Variants in SGPP2 observed in about 807,000 individuals in gnomAD.
SGPP2 encodes the protein sphingosine 1-phosphate phosphohydrolase 2.
A neutral mutation model predicts 33.9 loss-of-function variants in SGPP2; 30 were observed. The observed-to-expected ratio is 0.89, with a 90% CI of 0.66 to 1.20. SGPP2 has a LOEUF of 1.20. Ranked by LOEUF, SGPP2 falls within the 50% of genes most tolerant of loss-of-function variation. The pLI is 0.00. For synonymous variants in SGPP2, 233 were observed against 225.0 expected (o/e 1.04, Z -0.32); for missense variants, 458 against 532.1 (o/e 0.86, Z 1.37).
At chr2:222,425,219 C>A (rs1281255698) in intron 1 of SGPP2, among the ~76,000 whole-genome samples, 1 of 150,832 alleles carries the variant, frequency 6.6e-6, no homozygotes, top group Non-Finnish European at 1.5e-5. Flanking sequence ...TCTTGCATTT[C>A]CGCCCATCCC....
At chr2:222,552,970 G>A (rs560142973) in intron 4 of SGPP2, among the ~76,000 whole-genome samples, 1 of 152,262 alleles carries the variant, frequency 6.6e-6, no homozygotes, top group South Asian at 2.1e-4. Flanking sequence ...GCATTCCAGT[G>A]TCCCAATTCC....
chr2:222,532,598 A>G (rs1698855269), intron 4 of SGPP2, among the ~76,000 whole-genome samples: 1 of 152,186 alleles, frequency 6.6e-6, no homozygotes, highest in East Asian at 1.9e-4. Flanking sequence ...AACATGGGCA[A>G]CACCCCAGCT....
At chr2:222,446,971 T>C (rs1697407890) in intron 1 of SGPP2, among the ~76,000 whole-genome samples, 1 of 152,212 alleles carries the variant, frequency 6.6e-6, no homozygotes, top group Admixed American at 6.5e-5. Context: ...CTGTTAATAG[T>C]TGCTTGAAAT....
chr2:222,425,585 T>C (rs1378109190), intron 1 of SGPP2, among the ~76,000 whole-genome samples: 1 of 152,178 alleles, frequency 6.6e-6, no homozygotes, highest in Non-Finnish European at 1.5e-5. Flanking sequence ...GCACAGGGAC[T>C]TTAGGCAGCA....
chr2:222,455,011 C>T (rs1697550260), intron 1 of SGPP2, among the ~76,000 whole-genome samples: 2 of 151,992 alleles, frequency 1.3e-5, no homozygotes, highest in South Asian at 4.2e-4. Flanking sequence ...AACAAGGTGC[C>T]CAGCGTCCTT....
intron 2 of SGPP2, among the ~76,000 whole-genome samples, chr2:222,508,226 T>A (rs1413362848): frequency 6.6e-6 from 1 of 152,290 alleles, no homozygotes; most frequent in African/African-American, 2.4e-5. Context: ...ATAATAGAGT[T>A]TGGGTTTTTA....
chr2:222,479,053 G>A (rs1278665674), intron 2 of SGPP2, among the ~76,000 whole-genome samples: 1 of 152,150 alleles, frequency 6.6e-6, no homozygotes, highest in African/African-American at 2.4e-5. Flanking sequence ...CAGCAATACT[G>A]AGAAATAGTT....
chr2:222,486,143 C>T (rs914539271), intron 2 of SGPP2, among the ~76,000 whole-genome samples: 3 of 152,054 alleles, frequency 2.0e-5, no homozygotes, highest in African/African-American at 4.8e-5. Context: ...ATGGGCTGCA[C>T]GGTGGCAGGG....
At chr2:222,542,822 T>C (rs1699017991) in intron 4 of SGPP2, among the ~76,000 whole-genome samples, 1 of 151,866 alleles carries the variant, frequency 6.6e-6, no homozygotes, top group South Asian at 2.1e-4. Context: ...TTCCTTTTTT[T>C]TTTTTTTCTT....
rs1381355486 is a variant in SGPP2, at chr2:222,514,832, TC to T, written c.379-6930del. On this transcript the variant is annotated intron_variant, in intron 2 of 4. Transcript: ENST00000321276. The stretch of plus-strand genomic sequence containing the variant: ...TGCAATCACTGCACTGACCAGAATG[TC>T]CCCCAGGAGAGCATCCATCCCTGCT... Among the ~76,000 whole-genome samples the T allele has an allele frequency of 2.6e-5, 4 of 152,206 alleles. No homozygotes were observed. In the East Asian group the frequency reaches 7.7e-4, roughly 29 times the overall value.
chr2:222,452,297 T>G, intron 1 of SGPP2: 1 of 571,390 alleles, frequency 1.8e-6, no homozygotes, highest in Non-Finnish European at 3.2e-6. Flanking sequence ...CCAGAACATG[T>G]GGTTTCCAAA....
At chr2:222,515,556 C>T (rs1350594874) in intron 2 of SGPP2, among the ~76,000 whole-genome samples, 4 of 151,732 alleles carry the variant, frequency 2.6e-5, no homozygotes, top group African/African-American at 7.3e-5. Context: ...CTCAAACTAC[C>T]GACCTCAGAT....
intron 2 of SGPP2, among the ~76,000 whole-genome samples, chr2:222,508,270 A>T (rs1055249155): frequency 6.6e-6 from 1 of 152,236 alleles, no homozygotes; most frequent in Non-Finnish European, 1.5e-5. Flanking sequence ...TATTATACAT[A>T]TGCCCTCAAT....
chr2:222,494,795 CT>C (rs781360555), intron 2 of SGPP2, among the ~76,000 whole-genome samples: 10 of 152,302 alleles, frequency 6.6e-5, no homozygotes, highest in East Asian at 1.9e-4. Flanking sequence ...CTGTACCTCT[CT>C]TTTTTCCCCC....
chr2:222,509,826 G>A (rs1698499017), intron 2 of SGPP2, among the ~76,000 whole-genome samples: 1 of 152,148 alleles, frequency 6.6e-6, no homozygotes. Context: ...TCACAGAGTT[G>A]TGTAACCATC....
At chr2:222,452,046 A>C (rs1212724058) in intron 1 of SGPP2, among the ~76,000 whole-genome samples, 1 of 151,398 alleles carries the variant, frequency 6.6e-6, no homozygotes, top group Non-Finnish European at 1.5e-5. Context: ...TTTTCACATC[A>C]ATTTGTACTT....
Position 222,550,223 on chromosome 2 carries a change from A to G in SGPP2, c.649-8124A>G, listed in dbSNP as rs896017364. Among the ~76,000 whole-genome samples, 9 of 152,182 alleles carry G rather than the reference A, an allele frequency of 5.9e-5. No homozygotes were observed. The highest frequency in any genetic ancestry group is 3.3e-4 in the Admixed American group (5 of 15,278). On this transcript the variant is annotated intron_variant, in intron 4 of 4. Transcript: ENST00000321276. This position sits in a 1 kb window ranked among gnomAD's most constrained non-coding sequence, Gnocchi z 4.5. ...GTTACTTGGATCATGGAGGAATGGTATATTGCTTATCATATAGATTCTTAG... is the reference window on the plus strand; with the variant it reads ...GTTACTTGGATCATGGAGGAATGGTGTATTGCTTATCATATAGATTCTTAG...
intron 1 of SGPP2, among the ~76,000 whole-genome samples, chr2:222,463,931 A>G (rs897870641): frequency 1.3e-5 from 2 of 151,848 alleles, no homozygotes; most frequent in African/African-American, 4.9e-5. Context: ...GCCAGGTTAG[A>G]AGAGACTGAA....
At chr2:222,541,932 T>G (rs565390896) in intron 4 of SGPP2, among the ~76,000 whole-genome samples, 1 of 152,308 alleles carries the variant, frequency 6.6e-6, no homozygotes, top group South Asian at 2.1e-4. Context: ...TTATAAATTT[T>G]TATTAACCTG....
Sources: gnomAD v4.1 joint callset for allele counts (sites outside exome capture counted in the v4.1 genomes callset) on GRCh38, gnomAD v4.1.1 for gene constraint, Gnocchi (gnomAD v3.1) non-coding constraint, MANE v1.5 for transcripts, NCBI Gene and HGNC (gene_info 2026-07-23, HGNC 2026-07-21) for gene names.